AGBL4: variants seen among roughly 807,000 people sequenced by gnomAD.
AGBL4 encodes the protein cytosolic carboxypeptidase 6.
A neutral mutation model predicts 66.4 loss-of-function variants in AGBL4; 58 were observed. The ratio of observed to expected loss-of-function variants is 0.87; its 90% CI spans 0.71 to 1.09. The LOEUF (loss-of-function observed/expected upper bound fraction) is 1.09. AGBL4 is among the 50% of genes least tolerant of loss of function. AGBL4 has a pLI of 0.00. For missense variants in AGBL4, 579 were observed against 631.0 expected, an observed-to-expected ratio of 0.92 and a Z score of 0.88; for synonymous variants, 234 against 222.9, an observed-to-expected ratio of 1.05 and a Z score of -0.44.
In AGBL4 at chr1:49,716,906, T is replaced by C. The variant is rs754172926; in HGVS notation, c.158-19469A>G. Among the ~76,000 whole-genome samples, 4 of 152,010 alleles carry C rather than the reference T, an allele frequency of 2.6e-5. No homozygotes were observed. The East Asian group carries it at 5.8e-4, about 22-fold the overall frequency. ...CCTCTCTCACCACTCCTATTCAACATAGTGTTGGAAGTTCTCTCCAGGGCA... is the reference window on the plus strand; with the variant it reads ...CCTCTCTCACCACTCCTATTCAACACAGTGTTGGAAGTTCTCTCCAGGGCA... On this transcript the variant is annotated intron_variant, in intron 2 of 13. Transcript: ENST00000371839.
intron 5 of AGBL4, among the ~76,000 whole-genome samples, chr1:48,970,035 T>G (rs1658777551): frequency 6.6e-6 from 1 of 152,180 alleles, no homozygotes; most frequent in Admixed American, 6.5e-5. Flanking sequence ...GAAGGTTAAA[T>G]TACTTGCCTA....
rs117595385 is a variant in AGBL4 at position 49,952,502 on chromosome 1, T to C, written c.34+71261A>G. On this transcript the variant is annotated intron_variant, in intron 1 of 13. Transcript: ENST00000371839. ...CCTTTTTACATATGGCATTCCCTAC[T>C]TTAACATTATCTCTGTGATAAAATT... Among the ~76,000 whole-genome samples, 4 of 152,096 alleles carry C rather than the reference T, an allele frequency of 2.6e-5. No homozygotes were observed. The East Asian group carries it at 7.8e-4, about 29-fold the overall frequency.
At chr1:49,993,846 T>C (rs1660149004) in intron 1 of AGBL4, among the ~76,000 whole-genome samples, 2 of 152,270 alleles carry the variant, frequency 1.3e-5, no homozygotes, top group African/African-American at 2.4e-5. Context: ...AAATAAACCT[T>C]TGCTGTTGTA....
In AGBL4 at chr1:49,959,562, T is replaced by A. The variant is rs184578039; in HGVS notation, c.34+64201A>T. Among the ~76,000 whole-genome samples the A allele has an allele frequency of 6.6e-5, 10 of 152,114 alleles. No homozygotes were observed. In the East Asian group the frequency reaches 1.6e-3, roughly 24 times the overall value. ...TTTAATAAATATTTCTTGGACGAAT[T>A]AATAAATAAATGAGCAAGTGAAATA... is the stretch of plus-strand genomic sequence containing the variant. On this transcript the variant is annotated intron_variant, in intron 1 of 13. Coordinates refer to ENST00000371839, the MANE Select transcript of AGBL4 (RefSeq NM_032785.4).
At chr1:49,654,392 T>A (rs1646074210) in intron 3 of AGBL4, among the ~76,000 whole-genome samples, 1 of 152,164 alleles carries the variant, frequency 6.6e-6, no homozygotes, top group Admixed American at 6.6e-5. Flanking sequence ...GAGAAGAATG[T>A]ATATTCTGTT....
chr1:49,270,462 T>C (rs1644032642), intron 3 of AGBL4, among the ~76,000 whole-genome samples: 1 of 152,114 alleles, frequency 6.6e-6, no homozygotes, highest in Admixed American at 6.5e-5. Flanking sequence ...TTCTCAACCT[T>C]TGTTGTTTGG....
intron 1 of AGBL4, among the ~76,000 whole-genome samples, chr1:49,869,303 A>G (rs1028582122): frequency 6.6e-6 from 1 of 152,218 alleles, no homozygotes; most frequent in Admixed American, 6.5e-5. Context: ...GTGCATGTTC[A>G]TTGCAGCACT....
At position 48,780,003 on chromosome 1, in the gene AGBL4, C is replaced by T. The variant is rs554131123; in HGVS notation, c.634+87188G>A. ...TGCTGGGATTACAGATGTGAGCCAC[C>T]GCGCCCGGCCTTTATTATTATTAAT... On this transcript the variant is annotated intron_variant, in intron 6 of 13. Coordinates refer to ENST00000371839, the MANE Select transcript of AGBL4 (RefSeq NM_032785.4). 2.1e-3 allele frequency among the ~76,000 whole-genome samples: 320 copies of T among 151,958 alleles called. 7 individuals carry two copies. Among genetic ancestry groups the T allele is most frequent in the Non-Finnish European group, 2.8e-3 (193 of 67,988 alleles).
intron 2 of AGBL4, among the ~76,000 whole-genome samples, chr1:49,779,723 T>C (rs1243460332): frequency 6.6e-6 from 1 of 152,058 alleles, no homozygotes; most frequent in African/African-American, 2.4e-5. Context: ...GGAATGCAGT[T>C]TTCCCCATGA....
intron 1 of AGBL4, among the ~76,000 whole-genome samples, chr1:49,948,116 A>G (rs1295422713): frequency 2.5e-5 from 2 of 81,242 alleles, no homozygotes; most frequent in East Asian, 8.0e-4. Flanking sequence ...ATGTAAATGT[A>G]TGTAAATATA....
intron 4 of AGBL4, among the ~76,000 whole-genome samples, chr1:49,229,683 T>C (rs1422351205): frequency 6.6e-6 from 1 of 152,188 alleles, no homozygotes; most frequent in Admixed American, 6.5e-5. Context: ...CCTTTGAAGA[T>C]TGCCTGAGGT....
At chr1:48,883,307 T>C (rs1420297877) in intron 5 of AGBL4, among the ~76,000 whole-genome samples, 2 of 152,228 alleles carry the variant, frequency 1.3e-5, no homozygotes, top group African/African-American at 4.8e-5. Flanking sequence ...CTAATAGCCA[T>C]TCTAACAGGT....
At chr1:49,424,922 C>G (rs528919037) in intron 3 of AGBL4, among the ~76,000 whole-genome samples, 93 of 152,184 alleles carry the variant, frequency 6.1e-4, no homozygotes, top group African/African-American at 2.2e-3. Context: ...GATCTGGCCC[C>G]AGGGAGAGGA....
At chr1:48,595,139 G>T (rs79174577) in intron 9 of AGBL4, among the ~76,000 whole-genome samples, 19 of 152,198 alleles carry the variant, frequency 1.2e-4, no homozygotes, top group African/African-American at 4.6e-4. Context: ...TATCCCTCAG[G>T]CTGAGTTAAC....
chr1:48,914,361 G>A (rs1570988967), intron 5 of AGBL4, among the ~76,000 whole-genome samples: 1 of 152,128 alleles, frequency 6.6e-6, no homozygotes. Flanking sequence ...ACCTTGACCA[G>A]AGAAGCTTCT....
chr1:49,359,107 T>C (rs1338142660), intron 3 of AGBL4, among the ~76,000 whole-genome samples: 1 of 152,230 alleles, frequency 6.6e-6, no homozygotes, highest in Admixed American at 6.5e-5. Flanking sequence ...CTTTGGTCTA[T>C]CAGTGTCTAC....
chr1:49,510,608 T>C (rs1184886212), intron 3 of AGBL4, among the ~76,000 whole-genome samples: 1 of 151,438 alleles, frequency 6.6e-6, no homozygotes, highest in Non-Finnish European at 1.5e-5. Flanking sequence ...TTTGTCAATT[T>C]TGTCTTTGGT....
At chr1:49,588,024 C>T (rs1435623637) in intron 3 of AGBL4, among the ~76,000 whole-genome samples, 1 of 152,002 alleles carries the variant, frequency 6.6e-6, no homozygotes, top group East Asian at 1.9e-4. Flanking sequence ...AGTTCCTCAC[C>T]CTTACTCTAT....
intron 4 of AGBL4, chr1:49,174,703 C>G (rs1168152602): frequency 6.6e-6 from 1 of 152,098 alleles, no homozygotes; most frequent in Admixed American, 6.5e-5. Context: ...TGACTGAATT[C>G]TCTATTAGAA....
Sources: allele counts gnomAD v4.1 joint callset (sites outside exome capture counted in the v4.1 genomes callset), GRCh38; gene constraint gnomAD v4.1.1; transcripts MANE v1.5; gene names NCBI Gene and HGNC (gene_info 2026-07-23, HGNC 2026-07-21).